Variants in NR3C2 observed in about 807,000 individuals in gnomAD.
NR3C2 encodes nuclear receptor subfamily 3 group C member 2, also known as mineralocorticoid receptor.
NR3C2 carries 15 observed loss-of-function variants against 86.4 expected under a neutral mutation model. The ratio of observed to expected loss-of-function variants is 0.17; its 90% CI spans 0.12 to 0.27. The LOEUF is 0.27. NR3C2 is among the 10% of genes least tolerant of loss of function. The probability of loss-of-function intolerance (pLI) is 1.00; values close to 1 mark genes in which losing one functional copy is unlikely to be tolerated. For missense variants in NR3C2, 960 were observed against 1,195.6 expected (o/e 0.80, Z 2.91); for synonymous variants, 458 against 450.5 (o/e 1.02, Z -0.21).
chr4:148,382,761 G>C (rs1369463159), intron 2 of NR3C2, among the ~76,000 whole-genome samples: 4 of 152,094 alleles, frequency 2.6e-5, no homozygotes, highest in Admixed American at 1.3e-4. Context: ...CTATGTGTAG[G>C]TTACCTACTG....
chr4:148,444,968 G>C, upstream of NR3C2: 1 of 985,048 alleles, frequency 1.0e-6, no homozygotes, highest in East Asian at 1.1e-4. Context: ...CCGAGCGCGT[G>C]TGTGAGGGGG....
At chr4:148,300,275 G>T (rs1056613062) in intron 2 of NR3C2, among the ~76,000 whole-genome samples, 1 of 152,102 alleles carries the variant, frequency 6.6e-6, no homozygotes, top group Admixed American at 6.5e-5. Context: ...CATTCTATGT[G>T]ATCTTTGCCA....
chr4:148,336,720 G>A (rs114303025), intron 2 of NR3C2, among the ~76,000 whole-genome samples: 93 of 152,268 alleles, frequency 6.1e-4, no homozygotes, highest in Non-Finnish European at 1.2e-3. Flanking sequence ...AGCCTAGTTT[G>A]TGGATTAAGA....
chr4:148,172,988 G>A (rs1238562631), intron 4 of NR3C2, among the ~76,000 whole-genome samples: 5 of 152,208 alleles, frequency 3.3e-5, no homozygotes, highest in African/African-American at 1.2e-4. Context: ...GATCTCTGAG[G>A]AGTACACTTA....
chr4:148,170,110 A>C (rs988365545), intron 4 of NR3C2, among the ~76,000 whole-genome samples: 1 of 152,204 alleles, frequency 6.6e-6, no homozygotes, highest in Admixed American at 6.5e-5. Flanking sequence ...GGTCCTGTGT[A>C]TTGTACAGTG....
At chr4:148,399,613 C>CA (rs1018658821) in intron 2 of NR3C2, among the ~76,000 whole-genome samples, 1 of 142,514 alleles carries the variant, frequency 7.0e-6, no homozygotes, top group African/African-American at 2.6e-5. Flanking sequence ...TAGCATATTT[C>CA]AAAAAAAATT....
intron 2 of NR3C2, among the ~76,000 whole-genome samples, chr4:148,324,559 T>C (rs1045451701): frequency 1.3e-5 from 2 of 151,996 alleles, no homozygotes; most frequent in African/African-American, 4.8e-5. Flanking sequence ...GATCAAAGAG[T>C]ACAAACTTTC....
intron 2 of NR3C2, among the ~76,000 whole-genome samples, chr4:148,337,373 CAAGTT>C (rs142651959): frequency 7.8e-4 from 118 of 152,212 alleles, no homozygotes; most frequent in African/African-American, 2.8e-3. Flanking sequence ...AAACCTAAGT[CAAGTT>C]GACTGTTGGT....
rs527610188 is a variant in NR3C2, at chr4:148,342,935, C to A, written c.1758-82818G>T. On this transcript the variant is annotated intron_variant, in intron 2 of 8. Coordinates refer to ENST00000358102, the MANE Select transcript of NR3C2 (RefSeq NM_000901.5). ...AATGACTCCATTACTAATGCAACTA[C>A]TTCAGATATAAAGTAATCTTTCTTT... Among the ~76,000 whole-genome samples the A allele has an allele frequency of 9.3e-3, 1,416 of 152,236 alleles. 11 individuals carry two copies. The highest frequency in any genetic ancestry group is 0.013 in the Non-Finnish European group (867 of 68,022).
chr4:148,207,491 C>T (rs1336728558), intron 3 of NR3C2, among the ~76,000 whole-genome samples: 1 of 152,148 alleles, frequency 6.6e-6, no homozygotes, highest in Non-Finnish European at 1.5e-5. Flanking sequence ...AAATCTCTTT[C>T]TATCTAAAAA....
intron 8 of NR3C2, among the ~76,000 whole-genome samples, chr4:148,108,287 G>A (rs1421556127): frequency 1.3e-5 from 2 of 152,064 alleles, no homozygotes; most frequent in African/African-American, 4.8e-5. Context: ...ATTTTTAGTA[G>A]AGATGGGGTT....
chr4:148,166,571 T>A (rs958446755), intron 4 of NR3C2, among the ~76,000 whole-genome samples: 2 of 152,188 alleles, frequency 1.3e-5, no homozygotes, highest in Non-Finnish European at 2.9e-5. Context: ...CATTTTAGTT[T>A]CAAAAGTATT....
At chr4:148,168,491 A>C (rs1027994524) in intron 4 of NR3C2, among the ~76,000 whole-genome samples, 1 of 152,234 alleles carries the variant, frequency 6.6e-6, no homozygotes, top group African/African-American at 2.4e-5. Context: ...ACGGAGACTC[A>C]CCATTTCAAG....
intron 3 of NR3C2, among the ~76,000 whole-genome samples, chr4:148,232,377 T>A (rs770556836): frequency 6.6e-6 from 1 of 152,168 alleles, no homozygotes; most frequent in Non-Finnish European, 1.5e-5. Context: ...TGCATTAGAG[T>A]TCTTTGGTGA....
At chr4:148,120,355 G>C in intron 6 of NR3C2, 67 bp from the exon 7 acceptor site, 1 of 1,598,900 alleles carries the variant, frequency 6.3e-7, no homozygotes, top group Non-Finnish European at 8.6e-7. Context: ...CTGGCAGCCT[G>C]AGGCAGCTTA....
In NR3C2 at chr4:148,435,645, A is replaced by C; in HGVS notation, c.1216T>G (p.Phe406Val). The C allele has an allele frequency of 6.2e-7, 1 of 1,614,160 alleles. No homozygotes were observed. Among genetic ancestry groups the C allele is most frequent in the Middle Eastern group, 1.6e-4 (1 of 6,062 alleles). ...QYIKPEPDGA[F>V]SSSCLGGNSK... is the part of the protein sequence containing the mutation. ...TTTCCTCCTAGACATGAGCTGCTAA[A>C]AGCTCCATCTGGTTCTGGTTTTATG... The change falls in exon 2 of 9, where the codon TTT becomes GTT. Residue 406 changes from phenylalanine to valine, a missense_variant. Around this residue, in one of 4 missense-constraint regions of NR3C2, gnomAD observed 680 missense variants for 719.0 expected, o/e 0.95. Transcript: ENST00000358102.
intron 3 of NR3C2, among the ~76,000 whole-genome samples, chr4:148,251,364 C>G (rs908642168): frequency 6.6e-6 from 1 of 152,184 alleles, no homozygotes; most frequent in African/African-American, 2.4e-5. Context: ...TATTTGATGA[C>G]AGTCAATTTA....
At chr4:148,233,366 G>GT (rs56388064) in intron 3 of NR3C2, among the ~76,000 whole-genome samples, 1 of 142,782 alleles carries the variant, frequency 7.0e-6, no homozygotes, top group African/African-American at 2.6e-5. Flanking sequence ...ATTTCTTTAG[G>GT]TTTTTTTTTT....
intron 8 of NR3C2, among the ~76,000 whole-genome samples, chr4:148,103,048 C>T (rs1731611575): frequency 6.6e-6 from 1 of 152,156 alleles, no homozygotes. Flanking sequence ...CTCTATTTCT[C>T]AAAATCAGCA....
Sources: gnomAD v4.1 joint callset for allele counts (sites outside exome capture counted in the v4.1 genomes callset) on GRCh38, gnomAD v4.1.1 for gene constraint, gnomAD v4.1.1 regional missense constraint, MANE v1.5 for transcripts, NCBI Gene and HGNC (gene_info 2026-07-23, HGNC 2026-07-21) for gene names.